Variants in BTBD2 observed in about 807,000 individuals in gnomAD.
BTBD2 encodes BTB domain containing 2.
Under a neutral mutation model 44.0 loss-of-function variants are expected in BTBD2, and 15 were observed. That is an observed-to-expected ratio of 0.34 (90% CI 0.23 to 0.53). BTBD2 has a LOEUF of 0.53. Among genes scored for constraint, BTBD2 ranks in the 20% least tolerant of loss-of-function variants. The pLI, the probability that BTBD2 is intolerant of heterozygous loss-of-function variation, is 0.95. For synonymous variants in BTBD2, 443 were observed against 335.9 expected (o/e 1.32, Z -3.49); for missense variants, 657 against 746.4 (o/e 0.88, Z 1.39).
rs543211129 is a variant in BTBD2, at chr19:2,000,602, G to C, written c.408-3139C>G. 3.3e-5 allele frequency among the ~76,000 whole-genome samples: 5 copies of C among 152,130 alleles called. No individual in the cohort carries two copies. In the South Asian group the frequency reaches 6.2e-4, roughly 19 times the overall value. The stretch of plus-strand genomic sequence containing the variant: ...ACACCTGCATGGGCCTTCAGGATTC[G>C]ACCCCTGGGCACCGCTACTGCCTCC... On this transcript the variant is annotated intron_variant, in intron 1 of 8. Coordinates refer to ENST00000255608, the MANE Select transcript of BTBD2 (RefSeq NM_017797.4).
chr19:1,997,735 CTCTT>C lies in BTBD2; in HGVS notation c.408-276_408-273del, dbSNP rs1488756033. On this transcript the variant is annotated intron_variant, in intron 1 of 8. Coordinates refer to ENST00000255608, the MANE Select transcript of BTBD2 (RefSeq NM_017797.4). ...GCTCTGCCAGCCCTCACCATCCTCT[CTCTT>C]TCCTTCCAGGCGTCAGGCACGCACT... Among the ~76,000 whole-genome samples the C allele has an allele frequency of 4.6e-5, 7 of 152,376 alleles. No individual in the cohort carries two copies. The East Asian group carries it at 7.7e-4, about 17-fold the overall frequency.
chr19:2,006,088 TAAA>T (rs113126344), intron 1 of BTBD2, among the ~76,000 whole-genome samples: 1 of 134,568 alleles, frequency 7.4e-6, no homozygotes, highest in African/African-American at 2.7e-5. Context: ...ACCCTGTCTC[TAAA>T]AAAAAAAAAA....
chr19:2,013,791 G>C (rs2016497067), intron 1 of BTBD2: 2 of 528,644 alleles, frequency 3.8e-6, no homozygotes, highest in Non-Finnish European at 4.9e-6. Context: ...TCCGGTGGGG[G>C]TCACTGGGTC....
rs761432875 is a variant in BTBD2, at chr19:1,987,191, G to A, written c.1244C>T (p.Pro415Leu). 1 of 1,613,838 alleles carries A rather than the reference G, an allele frequency of 6.2e-7. No individual in the cohort carries two copies. The highest frequency in any genetic ancestry group is 1.7e-5 in the Admixed American group (1 of 59,972). Residue 415 changes from proline to leucine, a missense_variant, in exon 7 of 9, where the codon CCC becomes CTC. By Grantham distance (98) the Pro-to-Leu change is moderately conservative. Transcript: ENST00000255608. ...CTGGATGTTCACTTGGTAGTCGGTG[G>A]GCCCGTGGATGGATCCATACAGCCC... ...GFGLYGSIHG[P>L]TDYQVNIQII...
intron 3 of BTBD2, among the ~76,000 whole-genome samples, chr19:1,991,719 C>T (rs1479870352): frequency 6.6e-6 from 1 of 152,176 alleles, no homozygotes; most frequent in Non-Finnish European, 1.5e-5. Context: ...ACCCTCCACC[C>T]CCGACCAGGA....
chr19:1,986,787 G>A (rs767698515), intron 8 of BTBD2, 43 bp downstream of exon 8: 6 of 1,575,798 alleles, frequency 3.8e-6, no homozygotes, highest in East Asian at 2.2e-5. Flanking sequence ...TTCAGGATGG[G>A]CCAGAGACTC....
intron 6 of BTBD2, 51 bp from the exon 7 acceptor site, chr19:1,987,304 G>C (rs1241854593): frequency 6.3e-7 from 1 of 1,594,478 alleles, no homozygotes; most frequent in Admixed American, 1.7e-5. Flanking sequence ...GATAGCCTAA[G>C]GTGAGCTGGG....
intron 3 of BTBD2, among the ~76,000 whole-genome samples, chr19:1,992,785 T>C (rs1038692059): frequency 6.6e-6 from 1 of 152,052 alleles, no homozygotes; most frequent in Non-Finnish European, 1.5e-5. Flanking sequence ...TTGGCCAGGC[T>C]GGTCTGGAAC....
At chr19:2,007,649 C>T (rs1167778367) in intron 1 of BTBD2, among the ~76,000 whole-genome samples, 3 of 151,906 alleles carry the variant, frequency 2.0e-5, no homozygotes, top group South Asian at 2.1e-4. Context: ...GCCAAAATGG[C>T]GAAACCCCGT....
intron 1 of BTBD2, chr19:2,013,649 G>A: frequency 2.0e-6 from 2 of 987,302 alleles, no homozygotes; most frequent in Non-Finnish European, 2.4e-6. Flanking sequence ...GGCTGAGGTG[G>A]GGGTCCGGGG....
At chr19:2,004,749 C>A (rs2016373328) in intron 1 of BTBD2, among the ~76,000 whole-genome samples, 1 of 151,266 alleles carries the variant, frequency 6.6e-6, no homozygotes, top group African/African-American at 2.4e-5. Context: ...GAGGCCAAGG[C>A]AGGAGGATCA....
intron 3 of BTBD2, among the ~76,000 whole-genome samples, chr19:1,992,390 G>T (rs1334727898): frequency 6.6e-6 from 1 of 151,666 alleles, no homozygotes; most frequent in Non-Finnish European, 1.5e-5. Context: ...ATGAACCACA[G>T]TGCCCGGCCT....
intron 1 of BTBD2, 22 bp downstream of exon 1, chr19:2,015,275 C>T (rs1278530106): frequency 6.5e-6 from 10 of 1,533,856 alleles, no homozygotes; most frequent in African/African-American, 1.4e-5. Flanking sequence ...GGGGCCAGGG[C>T]TGGCGGGGTC....
At chr19:1,987,878 G>T in intron 5 of BTBD2, 186 bp from the exon 6 acceptor site, 2 of 613,488 alleles carry the variant, frequency 3.3e-6, no homozygotes, top group Non-Finnish European at 2.8e-6. Context: ...TTAGGGAGAG[G>T]TCCCAGGGCA....
chr19:1,999,768 C>T (rs1363918764), intron 1 of BTBD2, among the ~76,000 whole-genome samples: 4 of 151,986 alleles, frequency 2.6e-5, no homozygotes, highest in Admixed American at 6.6e-5. Flanking sequence ...GGGAGACCAG[C>T]CTGGCCAACA....
In BTBD2 at chr19:1,990,730, G is replaced by T. The variant is rs766195972; in HGVS notation, c.777C>A (p.Thr259=). The T allele has an allele frequency of 1.2e-6, 2 of 1,601,720 alleles. No individual in the cohort carries two copies. Among genetic ancestry groups the T allele is most frequent in the Non-Finnish European group, 1.7e-6 (2 of 1,174,460 alleles). ...TADAITAEGF[T]DIDLDTLVAV... ...CTGGGCCCTTACCCAGGTCAATGTCGGTGAAGCCCTCCGCGGTGATGGCGT... is the reference window on the plus strand; with the variant it reads ...CTGGGCCCTTACCCAGGTCAATGTCTGTGAAGCCCTCCGCGGTGATGGCGT... Residue 259 remains threonine (T), a synonymous_variant, in exon 4 of 9, where the codon ACC becomes ACA. Transcript: ENST00000255608.
chr19:1,990,335 G>T, intron 4 of BTBD2, 134 bp from the exon 5 acceptor site: 1 of 907,446 alleles, frequency 1.1e-6, no homozygotes, highest in South Asian at 1.6e-5. Context: ...ATCTGGCCCT[G>T]TGAGTGTGTT....
At chr19:1,987,095 C>G in intron 7 of BTBD2, 71 bp downstream of exon 7, 2 of 1,598,528 alleles carry the variant, frequency 1.3e-6, no homozygotes, top group Non-Finnish European at 1.7e-6. Flanking sequence ...GGGGTTCAGC[C>G]AGGGTTCCAT....
Position 2,015,516 on chromosome 19 carries a change from G to T in BTBD2, c.188C>A (p.Pro63Gln). ...GGCCTGCGCGTCTGTCCCGGGGCCC[G>T]GCGGGGCGGGCGGCGTCGGCCCAGG... ...AAPGPTPPAP[P>Q]GPGTDAQAAG... The change falls in exon 1 of 9, where the codon CCG becomes CAG. Residue 63 changes from proline (P) to glutamine (Q), a missense_variant. Pro to Gln is a moderately conservative substitution (Grantham distance 76). Transcript: ENST00000255608. 1 of 974,572 alleles carries T rather than the reference G, an allele frequency of 1.0e-6. No homozygotes were observed. Among genetic ancestry groups the T allele is most frequent in the East Asian group, 1.2e-4 (1 of 8,064 alleles). The allele number at this position is 974,572 out of a possible 1,614,324, so 60.4% of individuals were successfully genotyped here.
Sources: allele counts gnomAD v4.1 joint callset (sites outside exome capture counted in the v4.1 genomes callset), GRCh38; gene constraint gnomAD v4.1.1; transcripts MANE v1.5; gene names NCBI Gene and HGNC (gene_info 2026-07-23, HGNC 2026-07-21).